Variants in CADM2 observed in about 807,000 individuals in gnomAD.
The protein encoded by CADM2 is cell adhesion molecule 2.
Under a neutral mutation model 49.8 loss-of-function variants are expected in CADM2, and 12 were observed. The observed-to-expected ratio is 0.24, with a 90% CI of 0.15 to 0.39. CADM2 has a LOEUF of 0.39. CADM2 is among the 10% of genes least tolerant of loss of function. The probability of loss-of-function intolerance (pLI) is 1.00; values close to 1 mark genes in which losing one functional copy is unlikely to be tolerated. For synonymous variants in CADM2, 214 were observed against 175.4 expected, an observed-to-expected ratio of 1.22 and a Z score of -1.74; for missense variants, 378 against 492.3, an observed-to-expected ratio of 0.77 and a Z score of 2.20.
chr3:85,482,584 G>C (rs927391542), intron 1 of CADM2, among the ~76,000 whole-genome samples: 3 of 151,656 alleles, frequency 2.0e-5, no homozygotes, highest in African/African-American at 4.8e-5. Flanking sequence ...TTTATGTAAA[G>C]ATCTATTTAA....
chr3:85,370,703 T>A (rs1244523691), intron 1 of CADM2, among the ~76,000 whole-genome samples: 1 of 152,200 alleles, frequency 6.6e-6, no homozygotes, highest in African/African-American at 2.4e-5. Flanking sequence ...GTATTTCTTC[T>A]ACTTATAACA....
chr3:85,312,394 G>T (rs6775792), intron 1 of CADM2, among the ~76,000 whole-genome samples: 1 of 151,908 alleles, frequency 6.6e-6, no homozygotes, highest in Non-Finnish European at 1.5e-5. Flanking sequence ...TGGTCCTACC[G>T]GTAAGAGACG....
Position 86,072,527 on chromosome 3 carries a change from G to A in CADM2, c.*5744G>A, listed in dbSNP as rs917253315. 1 of 151,990 alleles carries A rather than the reference G, an allele frequency of 6.6e-6. No homozygotes were observed. Among genetic ancestry groups the A allele is most frequent in the Admixed American group, 6.6e-5 (1 of 15,222 alleles). 9.4% of individuals were successfully genotyped at this position (151,990 alleles called of 1,614,324 possible). ...CAAAACAAAAACCTACCAGGGCTCA[G>A]CACTTAAGCACTTTTCCCACATCCA... On this transcript the variant is annotated 3_prime_UTR_variant, in exon 10 of 10. Coordinates refer to ENST00000383699, the MANE Select transcript of CADM2 (RefSeq NM_001167675.2).
chr3:85,831,117 C>T (rs573369158), intron 3 of CADM2, among the ~76,000 whole-genome samples: 6 of 151,856 alleles, frequency 4.0e-5, no homozygotes, highest in East Asian at 3.9e-4. Flanking sequence ...TGTGTTAATT[C>T]GCTTAGGATA....
intron 2 of CADM2, among the ~76,000 whole-genome samples, chr3:85,743,148 AT>A (rs971242461): frequency 4.6e-5 from 7 of 150,766 alleles, no homozygotes; most frequent in South Asian, 4.2e-4. Flanking sequence ...TCTATTGCTG[AT>A]TTTTTTTTCC....
intron 6 of CADM2, among the ~76,000 whole-genome samples, chr3:85,925,509 C>T (rs1388594214): frequency 2.0e-5 from 3 of 152,046 alleles, no homozygotes; most frequent in Admixed American, 2.0e-4. Context: ...ATAAACTAAA[C>T]ATCTTAGAAA....
intron 1 of CADM2, among the ~76,000 whole-genome samples, chr3:85,334,047 A>T (rs1349581737): frequency 6.6e-6 from 1 of 151,690 alleles, no homozygotes; most frequent in Non-Finnish European, 1.5e-5. Flanking sequence ...ATAAGTGTAT[A>T]TTAACTATTA....
intron 1 of CADM2, among the ~76,000 whole-genome samples, chr3:84,969,855 A>G (rs1479222901): frequency 7.9e-5 from 12 of 151,930 alleles, no homozygotes. Flanking sequence ...TTAACCCCTT[A>G]TCTTTAATCT....
At chr3:85,452,136 T>G (rs2107569984) in intron 1 of CADM2, among the ~76,000 whole-genome samples, 1 of 152,156 alleles carries the variant, frequency 6.6e-6, no homozygotes, top group African/African-American at 2.4e-5. Context: ...CTCCCACAGG[T>G]TATTATTTTG....
At chr3:85,445,293 A>C (rs1438536054) in intron 1 of CADM2, among the ~76,000 whole-genome samples, 1 of 152,134 alleles carries the variant, frequency 6.6e-6, no homozygotes, top group African/African-American at 2.4e-5. Context: ...AAATATTTTA[A>C]CTTACTAATA....
intron 3 of CADM2, among the ~76,000 whole-genome samples, chr3:85,836,310 G>A (rs531975962): frequency 6.6e-6 from 1 of 151,572 alleles, no homozygotes; most frequent in Admixed American, 6.6e-5. Context: ...TTTGCTACTG[G>A]TGCAGATAAT....
At chr3:85,348,968 T>A (rs1423941175) in intron 1 of CADM2, among the ~76,000 whole-genome samples, 1 of 152,218 alleles carries the variant, frequency 6.6e-6, no homozygotes, top group African/African-American at 2.4e-5. Flanking sequence ...CTTGATCTAT[T>A]ACCTACATAT....
At chr3:85,693,040 C>T (rs1490937806) in intron 1 of CADM2, among the ~76,000 whole-genome samples, 1 of 151,712 alleles carries the variant, frequency 6.6e-6, no homozygotes, top group Non-Finnish European at 1.5e-5. Flanking sequence ...CCATCCTAGC[C>T]AACATGGTAA....
intron 1 of CADM2, among the ~76,000 whole-genome samples, chr3:85,348,135 G>A (rs1267525183): frequency 6.6e-6 from 1 of 152,072 alleles, no homozygotes; most frequent in East Asian, 1.9e-4. Flanking sequence ...TCCTCCCAGT[G>A]TATCATGTTG....
chr3:85,811,060 A>C (rs992545764), intron 3 of CADM2, among the ~76,000 whole-genome samples: 1 of 152,214 alleles, frequency 6.6e-6, no homozygotes, highest in Non-Finnish European at 1.5e-5. Flanking sequence ...TGTAAGCATC[A>C]AGACTGAAAT....
Position 86,065,623 on chromosome 3 carries a change from G to T in CADM2, c.989G>T (p.Gly330Val). 6.2e-7 allele frequency: 1 copy of T among 1,612,700 alleles called. No individual in the cohort carries two copies. Among genetic ancestry groups the T allele is most frequent in the Non-Finnish European group, 8.5e-7 (1 of 1,179,422 alleles). ...LIVHDPNALA[G>V]QNGPDHALIG... ...TTTCCAGATCCTAATGCTTTGGCTG[G>T]CCAGAATGGCCCTGACCATGCTCTC... Residue 330 changes from glycine to valine, a missense_variant, in exon 9 of 10, where the codon GGC becomes GTC. By Grantham distance (109) the Gly-to-Val change is moderately radical. Coordinates refer to ENST00000383699, the MANE Select transcript of CADM2 (RefSeq NM_001167675.2).
At position 85,023,147 on chromosome 3, in the gene CADM2, A is replaced by T. The variant is rs540663724; in HGVS notation, c.61+63479A>T. Among the ~76,000 whole-genome samples, 492 of 152,252 alleles carry T rather than the reference A, an allele frequency of 3.2e-3. 4 individuals carry two copies. Among genetic ancestry groups the T allele is most frequent in the African/African-American group, 0.011 (461 of 41,566 alleles). On this transcript the variant is annotated intron_variant, in intron 1 of 9. Transcript: ENST00000383699. ...TACAGAACTGTTCAACTTAAAAATG[A>T]ATTCAGACTAAATTTTAGAAAAAAG... is the stretch of plus-strand genomic sequence containing the variant.
intron 1 of CADM2, among the ~76,000 whole-genome samples, chr3:85,630,531 A>G (rs1414972319): frequency 3.9e-5 from 6 of 152,048 alleles, no homozygotes; most frequent in African/African-American, 9.7e-5. Context: ...AAAAAAATGT[A>G]TATCCTCAGG....
intron 8 of CADM2, among the ~76,000 whole-genome samples, chr3:85,968,736 A>G (rs146157351): frequency 2.0e-5 from 3 of 151,790 alleles, no homozygotes; most frequent in Admixed American, 6.6e-5. Context: ...ACCAAAATGT[A>G]CAGAGCTCTT....
Sources: gnomAD v4.1 joint callset for allele counts (sites outside exome capture counted in the v4.1 genomes callset) on GRCh38, gnomAD v4.1.1 for gene constraint, MANE v1.5 for transcripts, NCBI Gene and HGNC (gene_info 2026-07-23, HGNC 2026-07-21) for gene names.